SRP54: variants seen among roughly 807,000 people sequenced by gnomAD.
SRP54 encodes signal recognition particle 54.
In SRP54, 10 loss-of-function variants were observed where a neutral mutation model predicts 64.8. The observed-to-expected ratio is 0.15, with a 90% CI of 0.10 to 0.26. The LOEUF is 0.26. SRP54 is among the 10% of genes least tolerant of loss of function. The pLI is 1.00. For missense variants in SRP54, 325 were observed against 613.7 expected (o/e 0.53, Z 4.97); for synonymous variants, 193 against 185.6 (o/e 1.04, Z -0.32).
chr14:35,025,828 C>G (rs2044611727), intron 14 of SRP54, among the ~76,000 whole-genome samples: 1 of 152,120 alleles, frequency 6.6e-6, no homozygotes, highest in African/African-American at 2.4e-5. Flanking sequence ...ATTGGAGAAT[C>G]AGGAGGAGCT....
chr14:35,012,310 T>C (rs957616353), intron 8 of SRP54, among the ~76,000 whole-genome samples: 2 of 152,132 alleles, frequency 1.3e-5, no homozygotes, highest in Non-Finnish European at 2.9e-5. Context: ...GATTTTTAAA[T>C]ACTTTAAAAA....
At chr14:35,021,547 C>A (rs939148966) in intron 13 of SRP54, among the ~76,000 whole-genome samples, 1 of 151,910 alleles carries the variant, frequency 6.6e-6, no homozygotes, top group Non-Finnish European at 1.5e-5. Flanking sequence ...GTGGGAGAAT[C>A]GCTTGAACCC....
At chr14:35,025,111 A>C (rs1056304236) in intron 14 of SRP54, among the ~76,000 whole-genome samples, 1 of 152,180 alleles carries the variant, frequency 6.6e-6, no homozygotes, top group Non-Finnish European at 1.5e-5. Flanking sequence ...TATGTATCGT[A>C]AAAAGATAAG....
At chr14:35,022,080 A>C (rs1178646176) in intron 13 of SRP54, among the ~76,000 whole-genome samples, 1 of 152,024 alleles carries the variant, frequency 6.6e-6, no homozygotes, top group Non-Finnish European at 1.5e-5. Context: ...GATAGAACGT[A>C]CCTCTTTCTG....
chr14:35,022,145 A>C (rs889833045), intron 13 of SRP54, among the ~76,000 whole-genome samples: 2 of 152,030 alleles, frequency 1.3e-5, no homozygotes, highest in African/African-American at 4.8e-5. Flanking sequence ...GGTAGAGCTA[A>C]AGTGAGCATT....
At chr14:35,026,174 G>GT (rs1232842366) in intron 14 of SRP54, among the ~76,000 whole-genome samples, 1 of 151,494 alleles carries the variant, frequency 6.6e-6, no homozygotes, top group South Asian at 2.1e-4. Flanking sequence ...TTCTGTTGTT[G>GT]TTTTTTTATT....
intron 4 of SRP54, among the ~76,000 whole-genome samples, chr14:35,005,720 A>G (rs2044246703): frequency 2.0e-5 from 3 of 152,224 alleles, no homozygotes; most frequent in South Asian, 4.1e-4. Context: ...CTTTATTTGC[A>G]CATAGTTTAC....
intron 1 of SRP54, among the ~76,000 whole-genome samples, chr14:34,986,231 A>G (rs187113125): frequency 1.6e-4 from 24 of 152,322 alleles, no homozygotes; most frequent in Admixed American, 9.2e-4. Flanking sequence ...AATTACTTTA[A>G]TGAAGAGAAA....
intron 1 of SRP54, chr14:34,993,513 T>G (rs1039747893): frequency 4.6e-5 from 7 of 152,082 alleles, no homozygotes; most frequent in Non-Finnish European, 1.0e-4. Flanking sequence ...ATTACCAAAT[T>G]GTACTTGAGT....
chr14:34,998,279 A>G (rs114622577), intron 2 of SRP54, among the ~76,000 whole-genome samples: 30 of 152,324 alleles, frequency 2.0e-4, no homozygotes, highest in African/African-American at 7.2e-4. Flanking sequence ...TAGAGTTTAC[A>G]TTCTAGTGTG....
chr14:35,000,999 T>A lies in SRP54; in HGVS notation c.234T>A (p.Ala78=). The A allele has an allele frequency of 6.3e-7, 1 of 1,591,996 alleles. No individual in the cohort carries two copies. The highest frequency in any genetic ancestry group is 8.6e-7 in the Non-Finnish European group (1 of 1,168,266). The change falls in exon 4 of 16, where the codon GCT becomes GCA. Residue 78 remains alanine (A), a synonymous_variant. Transcript: ENST00000216774. ...GLNKRKMIQH[A]VFKELVKLVD... is the part of the protein sequence containing the mutation. ...ACAAAAGAAAAATGATTCAGCATGC[T>A]GTATTTAAAGAACTTGTGAAGGTAA...
rs376712278 is a variant in SRP54, at chr14:35,014,290, T to TTTTTTTTTTTTTTTTTTTTTTTTG, written c.886+392_886+393insTTTTTTTTTTTTTTTTTTTGTTTT. On this transcript the variant is annotated intron_variant, in intron 10 of 15. Transcript: ENST00000216774. Reference sequence around the variant, plus strand: ...TGCCACTTAACTTTTTTTTTTTTTTTTTTTGAGACGGAGTTTCGCTCTTGT... The same window carrying TTTTTTTTTTTTTTTTTTTTTTTTG: ...TGCCACTTAACTTTTTTTTTTTTTTTTTTTTTTTTTTTTTTTTTTTTTTGTTTTGAGACGGAGTTTCGCTCTTGT... 1.4e-3 allele frequency among the ~76,000 whole-genome samples: 177 copies of TTTTTTTTTTTTTTTTTTTTTTTTG among 127,280 alleles called. 7 individuals carry two copies. The highest frequency in any genetic ancestry group is 2.2e-3 in the East Asian group (8 of 3,680). 83.5% of individuals were successfully genotyped at this position (127,280 alleles called of 152,430 possible). A position where few individuals can be genotyped will look rare whatever the true frequency, so the allele number is the denominator to read the frequency against.
At chr14:34,993,909 G>A (rs2044023538) in intron 1 of SRP54, among the ~76,000 whole-genome samples, 2 of 152,024 alleles carry the variant, frequency 1.3e-5, no homozygotes, top group Non-Finnish European at 2.9e-5. Flanking sequence ...TGGTCAGGGT[G>A]GTCTCGAACT....
At chr14:34,998,548 A>T (rs2044105762) in intron 2 of SRP54, among the ~76,000 whole-genome samples, 1 of 152,110 alleles carries the variant, frequency 6.6e-6, no homozygotes, top group African/African-American at 2.4e-5. Context: ...GTGGTAGCTC[A>T]CACCTGTAAT....
At chr14:34,992,130 G>A (rs1434606249) in intron 1 of SRP54, among the ~76,000 whole-genome samples, 2 of 151,944 alleles carry the variant, frequency 1.3e-5, no homozygotes, top group African/African-American at 4.8e-5. Flanking sequence ...ATGGGGTTTC[G>A]CCATGTTGAC....
At chr14:35,002,135 C>G (rs2044183319) in intron 4 of SRP54, among the ~76,000 whole-genome samples, 1 of 152,028 alleles carries the variant, frequency 6.6e-6, no homozygotes, top group South Asian at 2.1e-4. Flanking sequence ...TGGGTAACCA[C>G]CTGAGGTCAG....
chr14:34,983,281 C>T (rs1380611003), intron 1 of SRP54, 66 bp downstream of exon 1: 1 of 152,300 alleles, frequency 6.6e-6, no homozygotes, highest in Non-Finnish European at 1.5e-5. Context: ...CAGCGCTGCT[C>T]AGGAGGCGAG....
At chr14:35,026,993 G>A (rs1053454658) in intron 14 of SRP54, among the ~76,000 whole-genome samples, 1 of 149,816 alleles carries the variant, frequency 6.7e-6, no homozygotes, top group African/African-American at 2.5e-5. Flanking sequence ...ACATCTTCAC[G>A]TTCTCTCAGA....
intron 11 of SRP54, among the ~76,000 whole-genome samples, chr14:35,016,663 G>A (rs1003847968): frequency 9.9e-5 from 15 of 152,040 alleles, no homozygotes; most frequent in African/African-American, 3.6e-4. Flanking sequence ...ATATTATTCA[G>A]CACAATTATT....
Sources: allele counts gnomAD v4.1 joint callset (sites outside exome capture counted in the v4.1 genomes callset), GRCh38; gene constraint gnomAD v4.1.1; transcripts MANE v1.5; gene names NCBI Gene and HGNC (gene_info 2026-07-23, HGNC 2026-07-21).